PALLD: variants seen among roughly 807,000 people sequenced by gnomAD.
PALLD encodes the protein palladin.
PALLD carries 61 observed loss-of-function variants against 123.5 expected under a neutral mutation model. The ratio of observed to expected loss-of-function variants is 0.49; its 90% CI spans 0.40 to 0.61. The LOEUF (loss-of-function observed/expected upper bound fraction) is 0.61. Ranked by LOEUF, PALLD falls within the 20% of genes least tolerant of loss-of-function variation. The pLI, the probability that PALLD is intolerant of heterozygous loss-of-function variation, is 0.00. For missense variants in PALLD, 1,273 were observed against 1,377.0 expected, an observed-to-expected ratio of 0.92 and a Z score of 1.20; for synonymous variants, 465 against 496.4, an observed-to-expected ratio of 0.94 and a Z score of 0.84.
chr4:168,862,595 T>C (rs1246755892), intron 10 of PALLD, among the ~76,000 whole-genome samples: 1 of 152,208 alleles, frequency 6.6e-6, no homozygotes, highest in Non-Finnish European at 1.5e-5. Flanking sequence ...CCTTCAGCCA[T>C]TTTCATAATC....
intron 10 of PALLD, among the ~76,000 whole-genome samples, chr4:168,723,814 C>T (rs1178058180): frequency 6.6e-6 from 1 of 151,872 alleles, no homozygotes; most frequent in African/African-American, 2.4e-5. Context: ...TTTTTAGCCT[C>T]CTATTTATTT....
intron 10 of PALLD, among the ~76,000 whole-genome samples, chr4:168,774,014 A>G (rs1254971754): frequency 2.6e-5 from 4 of 151,688 alleles, no homozygotes; most frequent in Non-Finnish European, 4.4e-5. Flanking sequence ...TGTGCCTATC[A>G]TAAGCTGAGT....
At chr4:168,818,335 C>T (rs545983084) in intron 10 of PALLD, among the ~76,000 whole-genome samples, 8 of 151,938 alleles carry the variant, frequency 5.3e-5, no homozygotes, top group Admixed American at 2.6e-4. Context: ...TGCTGGCTCA[C>T]GCCTGTAATC....
chr4:168,512,851 T>G lies in PALLD; in HGVS notation c.908+439T>G, dbSNP rs546003537. On this transcript the variant is annotated intron_variant, in intron 2 of 21. Coordinates refer to ENST00000505667, the MANE Select transcript of PALLD (RefSeq NM_001166108.2). ...GGCACGAGTGTGTAGAGGCCAACCT[T>G]CAGATTAGCCCCCAATAACGCATTA... Among the ~76,000 whole-genome samples, 6 of 152,142 alleles carry G rather than the reference T, an allele frequency of 3.9e-5. No individual in the cohort carries two copies. The South Asian group carries it at 1.2e-3, about 32-fold the overall frequency.
intron 10 of PALLD, among the ~76,000 whole-genome samples, chr4:168,859,998 C>T (rs1356032063): frequency 6.6e-6 from 1 of 152,188 alleles, no homozygotes; most frequent in Non-Finnish European, 1.5e-5. Flanking sequence ...ACACTTACAA[C>T]ACGTCTCAAT....
At chr4:168,843,024 A>T (rs554170682) in intron 10 of PALLD, among the ~76,000 whole-genome samples, 2 of 152,354 alleles carry the variant, frequency 1.3e-5, no homozygotes, top group South Asian at 4.1e-4. Context: ...ATGTCATAGT[A>T]TACGAAGGCC....
At chr4:168,891,523 C>A (rs980924223) in intron 11 of PALLD, among the ~76,000 whole-genome samples, 13 of 152,058 alleles carry the variant, frequency 8.5e-5, no homozygotes, top group African/African-American at 2.9e-4. Flanking sequence ...AATCCAAAGA[C>A]AAAAGAGAAA....
chr4:168,759,691 G>A (rs966519112), intron 10 of PALLD, among the ~76,000 whole-genome samples: 9 of 151,670 alleles, frequency 5.9e-5, no homozygotes, highest in African/African-American at 2.2e-4. Flanking sequence ...AGGAAAAAGT[G>A]ACTGAAATTC....
In PALLD at chr4:168,776,797, C is replaced by A. The variant is rs114900812; in HGVS notation, c.1964+64874C>A. The stretch of plus-strand genomic sequence containing the variant: ...TATCTGTTGATTTTCAAATGTTAAA[C>A]CACCTCTACAGTCTTGAGATAAGCC... On this transcript the variant is annotated intron_variant, in intron 10 of 21. Transcript: ENST00000505667. 7.8e-3 allele frequency among the ~76,000 whole-genome samples: 1,194 copies of A among 152,276 alleles called. 10 individuals are homozygous for A. The highest frequency in any genetic ancestry group is 0.027 in the African/African-American group (1,121 of 41,546).
intron 10 of PALLD, among the ~76,000 whole-genome samples, chr4:168,825,956 A>C (rs1743364455): frequency 6.6e-6 from 1 of 152,206 alleles, no homozygotes; most frequent in African/African-American, 2.4e-5. Flanking sequence ...TCCTCGCCTA[A>C]ATAGGCCATC....
chr4:168,596,855 G>C (rs966369675), intron 2 of PALLD, among the ~76,000 whole-genome samples: 2 of 151,936 alleles, frequency 1.3e-5, no homozygotes, highest in Non-Finnish European at 2.9e-5. Context: ...CTTAAACTGT[G>C]CTTATCTCAT....
chr4:168,877,677 C>T, intron 10 of PALLD: 1 of 1,007,392 alleles, frequency 9.9e-7, no homozygotes, highest in Non-Finnish European at 1.2e-6. Flanking sequence ...ATACACGTTC[C>T]TGGCCGTTCC....
At chr4:168,735,428 A>G (rs767506815) in intron 10 of PALLD, among the ~76,000 whole-genome samples, 73 of 151,916 alleles carry the variant, frequency 4.8e-4, no homozygotes, top group Non-Finnish European at 1.8e-4. Context: ...AGAAAACGTC[A>G]CTCCTACTCA....
chr4:168,750,029 T>C (rs4610300), intron 10 of PALLD, among the ~76,000 whole-genome samples: 86,018 of 151,454 alleles, frequency 0.57, 24,899 homozygotes, highest in African/African-American at 0.68. Context: ...TCACTGCAAC[T>C]TCCACCTTCG....
At chr4:168,659,632 A>G (rs1580808869) in intron 2 of PALLD, among the ~76,000 whole-genome samples, 2 of 152,384 alleles carry the variant, frequency 1.3e-5, no homozygotes, top group Non-Finnish European at 2.9e-5. Flanking sequence ...CTTTTATTTA[A>G]TAAGCACCTG....
intron 2 of PALLD, among the ~76,000 whole-genome samples, chr4:168,533,783 G>A (rs1024216055): frequency 6.6e-6 from 1 of 152,276 alleles, no homozygotes; most frequent in Non-Finnish European, 1.5e-5. Context: ...TGAGGGAAGA[G>A]AAGCCAGTGC....
chr4:168,524,572 C>G (rs12498412), intron 2 of PALLD, among the ~76,000 whole-genome samples: 1 of 151,608 alleles, frequency 6.6e-6, no homozygotes, highest in Non-Finnish European at 1.5e-5. Flanking sequence ...ATGAAGTATC[C>G]CTCCCCTAGA....
intron 10 of PALLD, among the ~76,000 whole-genome samples, chr4:168,789,975 G>A (rs1200097856): frequency 6.6e-6 from 1 of 151,876 alleles, no homozygotes; most frequent in Non-Finnish European, 1.5e-5. Context: ...AATTTAAACG[G>A]TATCTTCCTT....
intron 10 of PALLD, among the ~76,000 whole-genome samples, chr4:168,872,777 A>G (rs1433056680): frequency 6.6e-6 from 1 of 152,228 alleles, no homozygotes; most frequent in Non-Finnish European, 1.5e-5. Context: ...GTTGTTAGAT[A>G]TTGACCTTCA....
Sources: allele counts gnomAD v4.1 joint callset (sites outside exome capture counted in the v4.1 genomes callset), GRCh38; gene constraint gnomAD v4.1.1; transcripts MANE v1.5; gene names NCBI Gene and HGNC (gene_info 2026-07-23, HGNC 2026-07-21).